The following CCDC141 variants were observed in gnomAD, a reference collection of about 807,000 sequenced individuals.
The protein encoded by CCDC141 is coiled-coil domain containing 141.
Under a neutral mutation model 181.0 loss-of-function variants are expected in CCDC141, and 168 were observed. The ratio of observed to expected loss-of-function variants is 0.93; its 90% CI spans 0.82 to 1.05. CCDC141 has a LOEUF of 1.05. Ranked by LOEUF, CCDC141 falls within the 50% of genes least tolerant of loss-of-function variation. The pLI is 0.00. For synonymous variants in CCDC141, 666 were observed against 642.3 expected (o/e 1.04, Z -0.56); for missense variants, 1,902 against 1,788.5 (o/e 1.06, Z -1.14).
chr2:179,025,890 T>C (rs937057326), intron 2 of CCDC141, among the ~76,000 whole-genome samples: 2 of 152,104 alleles, frequency 1.3e-5, no homozygotes, highest in Non-Finnish European at 2.9e-5. Flanking sequence ...AGCAAAGAGA[T>C]TGGTGGTATT....
chr2:178,855,642 C>A lies in CCDC141; in HGVS notation c.2866-101G>T, dbSNP rs561446513. The A allele has an allele frequency of 7.9e-5, 50 of 633,572 alleles. No homozygotes were observed. The South Asian group carries it at 1.3e-3, about 16-fold the overall frequency. The allele number at this position is 633,572 out of a possible 1,614,324, so 39.2% of individuals were successfully genotyped here. A position where few individuals can be genotyped will look rare whatever the true frequency, so the allele number is the denominator to read the frequency against. ...AAAACTGGTAAAAATTTTGCAGCTT[C>A]CTCCAATCTATTAAAATAATAATTA... On this transcript the variant is annotated intron_variant, in intron 18 of 23. Coordinates refer to ENST00000443758, the MANE Select transcript of CCDC141 (RefSeq NM_173648.4).
chr2:178,819,589 A>G, the CCDC141 span, among the ~76,000 whole-genome samples: 1 of 152,194 alleles, frequency 6.6e-6, no homozygotes, highest in East Asian at 1.9e-4. Flanking sequence ...GTGGTTCTCA[A>G]CCAGGGATGA....
chr2:179,008,418 A>C (rs777495538), intron 2 of CCDC141, among the ~76,000 whole-genome samples: 2 of 152,144 alleles, frequency 1.3e-5, no homozygotes, highest in Non-Finnish European at 2.9e-5. Flanking sequence ...TGTCACGGGC[A>C]CTGAGCAGCT....
chr2:179,048,411 T>TA (rs1476402166), intron 1 of CCDC141, among the ~76,000 whole-genome samples: 1 of 152,168 alleles, frequency 6.6e-6, no homozygotes, highest in East Asian at 1.9e-4. Flanking sequence ...ACAATTCAGT[T>TA]AAAATAAGAG....
At chr2:178,987,503 A>G (rs1691811632) in intron 2 of CCDC141, among the ~76,000 whole-genome samples, 1 of 152,138 alleles carries the variant, frequency 6.6e-6, no homozygotes, top group Non-Finnish European at 1.5e-5. Flanking sequence ...CTGCACAGCA[A>G]AAGAAACTAC....
At chr2:179,015,065 G>GAT (rs1326648706) in intron 2 of CCDC141, among the ~76,000 whole-genome samples, 826 of 10,936 alleles carry the variant, frequency 0.076, 79 homozygotes, top group East Asian at 0.13. Flanking sequence ...GAGAGAGACA[G>GAT]AGATATATAT....
intron 17 of CCDC141, among the ~76,000 whole-genome samples, chr2:178,864,768 A>G (rs935600892): frequency 2.0e-5 from 3 of 152,208 alleles, no homozygotes; most frequent in African/African-American, 7.2e-5. Flanking sequence ...CTGTGCTTTA[A>G]TGTTGTTGGA....
chr2:178,917,726 A>T (rs1450176324), intron 7 of CCDC141, among the ~76,000 whole-genome samples: 2 of 152,264 alleles, frequency 1.3e-5, no homozygotes, highest in African/African-American at 4.8e-5. Context: ...TGATGTGAAC[A>T]GGTGAACATT....
rs758349100 is a variant in CCDC141, at chr2:178,855,560, GT to G, written c.2866-20del. 2 of 1,521,602 alleles carry G rather than the reference GT, an allele frequency of 1.3e-6. No homozygotes were observed. The highest frequency in any genetic ancestry group is 1.4e-5 in the African/African-American group (1 of 70,950). The allele number at this position is 1,521,602 out of a possible 1,614,324, so 94.3% of individuals were successfully genotyped here. A position where few individuals can be genotyped will look rare whatever the true frequency, so the allele number is the denominator to read the frequency against. On this transcript the variant is annotated intron_variant, in intron 18 of 23. Transcript: ENST00000443758. ...TCAAAGCCTGTGTGAAAAACAAAAA[GT>G]TTTTTAAACAACATTCAATTTGTAT...
chr2:178,823,516 A>G, the CCDC141 span, among the ~76,000 whole-genome samples: 4 of 152,196 alleles, frequency 2.6e-5, no homozygotes, highest in Admixed American at 2.6e-4. Context: ...TATGAGCTAG[A>G]AAAATTCATC....
chr2:178,884,776 G>A (rs1686799628), intron 11 of CCDC141, 125 bp downstream of exon 11: 3 of 613,382 alleles, frequency 4.9e-6, no homozygotes, highest in Admixed American at 5.9e-5. Flanking sequence ...GGGCCTATAA[G>A]TGAGCCCACG....
chr2:178,857,860 A>C (rs1360524073), intron 17 of CCDC141, among the ~76,000 whole-genome samples: 1 of 152,232 alleles, frequency 6.6e-6, no homozygotes, highest in African/African-American at 2.4e-5. Flanking sequence ...ATTGTAATGC[A>C]GAAAAATATA....
intron 14 of CCDC141, among the ~76,000 whole-genome samples, chr2:178,869,841 A>T (rs951208488): frequency 3.3e-5 from 5 of 152,220 alleles, no homozygotes; most frequent in African/African-American, 9.6e-5. Flanking sequence ...TAGCCATCAC[A>T]TGTAGGGAGG....
At chr2:178,939,443 C>CT (rs1689418886) in intron 6 of CCDC141, among the ~76,000 whole-genome samples, 1 of 151,996 alleles carries the variant, frequency 6.6e-6, no homozygotes, top group South Asian at 2.1e-4. Context: ...CAGGGGAGAA[C>CT]TTTTTAGGTG....
chr2:178,894,201 C>A (rs1687299984), intron 8 of CCDC141, among the ~76,000 whole-genome samples: 1 of 152,152 alleles, frequency 6.6e-6, no homozygotes, highest in Non-Finnish European at 1.5e-5. Flanking sequence ...TCCACAGACG[C>A]TTGTGTGACC....
rs746816090 is a variant in CCDC141, at chr2:178,877,984, A to G, written c.1879T>C (p.Phe627Leu). Residue 627 changes from phenylalanine to leucine, a missense_variant, in exon 12 of 24, where the codon TTC (phenylalanine) becomes CTC (leucine). Transcript: ENST00000443758. Reference protein sequence around the residue: ...SFITQDLGLEFLNLINMAKEN... With the variant: ...SFITQDLGLELLNLINMAKEN... ...CTTACCATATTTATTAAATTAAGGA[A>G]CTCAAGCCCTAGATCTTGTGTTATA... 4 of 1,613,782 alleles carry G rather than the reference A, an allele frequency of 2.5e-6. No homozygotes were observed. Among genetic ancestry groups the G allele is most frequent in the Non-Finnish European group, 3.4e-6 (4 of 1,179,768 alleles).
intron 5 of CCDC141, among the ~76,000 whole-genome samples, chr2:178,950,981 T>C (rs911607303): frequency 1.1e-4 from 17 of 152,214 alleles, no homozygotes; most frequent in African/African-American, 4.1e-4. Context: ...AACAGTTATT[T>C]GTGTTTAGGT....
chr2:178,993,412 T>C (rs773870281), intron 2 of CCDC141, among the ~76,000 whole-genome samples: 55 of 152,144 alleles, frequency 3.6e-4, no homozygotes, highest in Admixed American at 2.0e-4. Flanking sequence ...AGAGGGCTTG[T>C]GTACGGAAAC....
intron 2 of CCDC141, among the ~76,000 whole-genome samples, chr2:179,028,192 T>G (rs1162321512): frequency 6.6e-6 from 1 of 152,230 alleles, no homozygotes; most frequent in Non-Finnish European, 1.5e-5. Flanking sequence ...ACCTAAGAAC[T>G]GGTCATCTGT....
Sources: gnomAD v4.1 joint callset for allele counts (sites outside exome capture counted in the v4.1 genomes callset) on GRCh38, gnomAD v4.1.1 for gene constraint, MANE v1.5 for transcripts, NCBI Gene and HGNC (gene_info 2026-07-23, HGNC 2026-07-21) for gene names.